Variants in ZNF277 observed in about 807,000 individuals in gnomAD.
ZNF277 encodes the protein nuclear receptor-interacting factor 4.
Under a neutral mutation model 60.7 loss-of-function variants are expected in ZNF277, and 55 were observed. The observed-to-expected ratio is 0.91, with a 90% CI of 0.73 to 1.13. ZNF277 has a LOEUF of 1.13. Ranked by LOEUF, ZNF277 falls within the 50% of genes most tolerant of loss-of-function variation. The probability of loss-of-function intolerance (pLI) is 0.00; values close to 1 mark genes in which losing one functional copy is unlikely to be tolerated. For synonymous variants in ZNF277, 178 were observed against 179.3 expected, an observed-to-expected ratio of 0.99 and a Z score of 0.06; for missense variants, 510 against 523.0, an observed-to-expected ratio of 0.98 and a Z score of 0.24.
intron 5 of ZNF277, among the ~76,000 whole-genome samples, chr7:112,326,372 A>T (rs2285732): frequency 0.052 from 7,824 of 151,808 alleles, 274 homozygotes; most frequent in Admixed American, 0.12. Context: ...CCCTTCCCCC[A>T]CCCCAAAACA....
rs1793191896 is a variant in ZNF277, at chr7:112,330,143, T to C, written c.728T>C (p.Met243Thr). ...GACAAAAATACACTTAAAGATCACA[T>C]GAGGAAAAAACAGCATCGTAAGATT... The part of the protein sequence containing the change: ...FRDKNTLKDH[M>T]RKKQHRKINP... The change falls in exon 7 of 12, where the codon ATG becomes ACG. Residue 243 changes from methionine to threonine, a missense_variant. Coordinates refer to ENST00000361822, the MANE Select transcript of ZNF277 (RefSeq NM_021994.3). 1 of 1,613,300 alleles carries C rather than the reference T, an allele frequency of 6.2e-7. No homozygotes were observed. The highest frequency in any genetic ancestry group is 1.3e-5 in the African/African-American group (1 of 74,900).
chr7:112,217,339 C>T (rs1338613133), intron 1 of ZNF277, among the ~76,000 whole-genome samples: 1 of 152,048 alleles, frequency 6.6e-6, no homozygotes, highest in African/African-American at 2.4e-5. Context: ...AGGGCATATA[C>T]AACAAGTATC....
chr7:112,296,708 A>AT (rs1459276006), intron 4 of ZNF277, among the ~76,000 whole-genome samples: 1 of 150,910 alleles, frequency 6.6e-6, no homozygotes, highest in East Asian at 1.9e-4. Flanking sequence ...ATGCACTAGC[A>AT]TTTTTTTTAT....
chr7:112,223,700 C>G (rs950443368), intron 1 of ZNF277, among the ~76,000 whole-genome samples: 1 of 152,170 alleles, frequency 6.6e-6, no homozygotes, highest in African/African-American at 2.4e-5. Flanking sequence ...CCAGGGATGG[C>G]TGCAAAATTT....
chr7:112,249,303 C>A (rs984531129), intron 1 of ZNF277, among the ~76,000 whole-genome samples: 5 of 152,020 alleles, frequency 3.3e-5, no homozygotes, highest in Non-Finnish European at 7.4e-5. Context: ...ATACATAGGT[C>A]CAATGAACAA....
At chr7:112,306,437 A>G (rs1584396338) in intron 4 of ZNF277, among the ~76,000 whole-genome samples, 1 of 149,998 alleles carries the variant, frequency 6.7e-6, no homozygotes, top group South Asian at 2.1e-4. Context: ...CTGGTCTTGA[A>G]CTCCTGACCT....
intron 1 of ZNF277, among the ~76,000 whole-genome samples, chr7:112,263,199 G>A (rs1028801340): frequency 6.6e-6 from 1 of 152,196 alleles, no homozygotes; most frequent in African/African-American, 2.4e-5. Context: ...AAAGCAGACT[G>A]CTGATCTTAT....
chr7:112,340,905 A>G lies in ZNF277; in HGVS notation c.1043A>G (p.Asn348Ser), dbSNP rs768316223. 2.7e-5 allele frequency: 43 copies of G among 1,611,598 alleles called. No homozygotes were observed. Among genetic ancestry groups the G allele is most frequent in the Non-Finnish European group, 3.6e-5 (43 of 1,179,226 alleles). The change falls in exon 11 of 12, where the codon AAT (asparagine) becomes AGT (serine). Residue 348 changes from asparagine (N) to serine (S), a missense_variant. Transcript: ENST00000361822. Reference protein sequence around the residue: ...LNFYQQVKLVNFIRRQVHQCR... With the variant: ...LNFYQQVKLVSFIRRQVHQCR... Reference sequence around the variant, plus strand: ...TTCTATCAGCAAGTGAAACTGGTCAATTTTATTCGGAGGCAAGTTCACCAA... The same window carrying G: ...TTCTATCAGCAAGTGAAACTGGTCAGTTTTATTCGGAGGCAAGTTCACCAA...
Position 112,296,270 on chromosome 7 carries a change from G to C in ZNF277, c.424G>C (p.Glu142Gln). 1.3e-6 allele frequency: 2 copies of C among 1,593,434 alleles called. No homozygotes were observed. Among genetic ancestry groups the C allele is most frequent in the Non-Finnish European group, 1.7e-6 (2 of 1,170,822 alleles). ...NYFLLCDVLP[E>Q]DRILREELQK... is the part of the protein sequence containing the mutation. ...TTTTTTGTTATGTGACGTTTTACCA[G>C]AAGATAGAATTCTTAGAGAAGAGCT... is the stretch of plus-strand genomic sequence containing the variant. The change falls in exon 4 of 12, where the codon GAA (glutamate) becomes CAA (glutamine). Residue 142 changes from glutamate (E) to glutamine (Q), a missense_variant. Glu to Gln is a conservative substitution (Grantham distance 29). Transcript: ENST00000361822.
At chr7:112,238,640 GAGAC>G (rs1790866004) in intron 1 of ZNF277, among the ~76,000 whole-genome samples, 1 of 151,010 alleles carries the variant, frequency 6.6e-6, no homozygotes, top group Non-Finnish European at 1.5e-5. Flanking sequence ...AGCTCCCGCA[GAGAC>G]TCCATCCTTG....
At chr7:112,258,474 G>A (rs1274484549) in intron 1 of ZNF277, among the ~76,000 whole-genome samples, 1 of 151,346 alleles carries the variant, frequency 6.6e-6, no homozygotes, top group East Asian at 1.9e-4. Context: ...AAAAAAAAAA[G>A]TATTCTTTGG....
At position 112,337,767 on chromosome 7, in the gene ZNF277, G is replaced by C; in HGVS notation, c.907G>C (p.Val303Leu). 2 of 1,612,612 alleles carry C rather than the reference G, an allele frequency of 1.2e-6. No homozygotes were observed. Among genetic ancestry groups the C allele is most frequent in the Non-Finnish European group, 1.7e-6 (2 of 1,179,530 alleles). ...SDWEEHPASAVCLFCEKQAET... is the reference protein window; with the variant it reads ...SDWEEHPASALCLFCEKQAET... ...TTGGGAAGAACACCCTGCCTCTGCAGTCTGCTTATTTTGTGAAAAGCAAGC... is the reference window on the plus strand; with the variant it reads ...TTGGGAAGAACACCCTGCCTCTGCACTCTGCTTATTTTGTGAAAAGCAAGC... The change falls in exon 9 of 12, where the codon GTC becomes CTC. Residue 303 changes from valine (V) to leucine (L), a missense_variant. Val to Leu is a conservative substitution (Grantham distance 32). Transcript: ENST00000361822.
intron 5 of ZNF277, among the ~76,000 whole-genome samples, chr7:112,326,314 C>T (rs1040801810): frequency 6.6e-6 from 1 of 152,056 alleles, no homozygotes; most frequent in African/African-American, 2.4e-5. Flanking sequence ...TACTTTACCC[C>T]AACATGGCCT....
chr7:112,282,326 A>G (rs1791965609), intron 1 of ZNF277, among the ~76,000 whole-genome samples: 1 of 152,278 alleles, frequency 6.6e-6, no homozygotes, highest in South Asian at 2.1e-4. Context: ...GCATCACATA[A>G]GACACCAGTC....
intron 6 of ZNF277, chr7:112,328,075 G>C (rs1793140664): frequency 7.1e-6 from 2 of 280,346 alleles, no homozygotes; most frequent in African/African-American, 4.5e-5. Context: ...ATGCCGTATA[G>C]GATATGAAGA....
At chr7:112,280,213 A>T (rs973883197) in intron 1 of ZNF277, among the ~76,000 whole-genome samples, 2 of 152,054 alleles carry the variant, frequency 1.3e-5, no homozygotes, top group East Asian at 1.9e-4. Context: ...TTCCATGGCC[A>T]TTACACCTAC....
At chr7:112,296,380 G>GTTT in intron 4 of ZNF277, 69 bp downstream of exon 4, 24 of 547,108 alleles carry the variant, frequency 4.4e-5, no homozygotes, top group Non-Finnish European at 5.5e-5. Context: ...AATCATATTG[G>GTTT]TTTTTTTTTT....
intron 7 of ZNF277, among the ~76,000 whole-genome samples, chr7:112,332,118 G>A (rs949052540): frequency 2.0e-5 from 3 of 152,184 alleles, no homozygotes; most frequent in Non-Finnish European, 4.4e-5. Context: ...ATTTGATGTG[G>A]CGTGGACTAC....
rs114668147 is a variant in ZNF277, at chr7:112,289,576, G to T, written c.293+2502G>T. Among the ~76,000 whole-genome samples, 1,426 of 152,110 alleles carry T rather than the reference G, an allele frequency of 9.4e-3. 17 individuals carry two copies. Among genetic ancestry groups the T allele is most frequent in the African/African-American group, 0.032 (1,335 of 41,484 alleles). ...TATGTCTTTATTCTCAGAGTATTCTGGGAGCTTTCTTATATGCAACCCAGT... is the reference window on the plus strand; with the variant it reads ...TATGTCTTTATTCTCAGAGTATTCTTGGAGCTTTCTTATATGCAACCCAGT... On this transcript the variant is annotated intron_variant, in intron 2 of 11. Coordinates refer to ENST00000361822, the MANE Select transcript of ZNF277 (RefSeq NM_021994.3).
Sources: gnomAD v4.1 joint callset for allele counts (sites outside exome capture counted in the v4.1 genomes callset) on GRCh38, gnomAD v4.1.1 for gene constraint, MANE v1.5 for transcripts, NCBI Gene and HGNC (gene_info 2026-07-23, HGNC 2026-07-21) for gene names.